Variants in ATAD2 observed in about 807,000 individuals in gnomAD.
ATAD2 encodes ATPase family AAA domain containing 2, also known as ATPase family AAA domain-containing protein 2.
In ATAD2, 62 loss-of-function variants were observed where a neutral mutation model predicts 168.9. The observed-to-expected ratio is 0.37, with a 90% CI of 0.30 to 0.45. The LOEUF is 0.45. Among genes scored for constraint, ATAD2 ranks in the 20% least tolerant of loss-of-function variants. The pLI is 1.00. For synonymous variants in ATAD2, 613 were observed against 571.6 expected, an observed-to-expected ratio of 1.07 and a Z score of -1.03; for missense variants, 1,419 against 1,667.8, an observed-to-expected ratio of 0.85 and a Z score of 2.60.
At chr8:123,327,152 C>T (rs912897031) in intron 25 of ATAD2, among the ~76,000 whole-genome samples, 1 of 152,082 alleles carries the variant, frequency 6.6e-6, no homozygotes, top group African/African-American at 2.4e-5. Flanking sequence ...CGTGATCCAC[C>T]CACAGCCTCC....
intron 24 of ATAD2, among the ~76,000 whole-genome samples, chr8:123,330,871 A>T (rs960691999): frequency 6.6e-6 from 1 of 152,256 alleles, no homozygotes; most frequent in African/African-American, 2.4e-5. Context: ...CAAAAAGTAC[A>T]AAGTTTTTGC....
intron 1 of ATAD2, among the ~76,000 whole-genome samples, chr8:123,395,941 G>C (rs1812804274): frequency 6.6e-6 from 1 of 152,158 alleles, no homozygotes; most frequent in Non-Finnish European, 1.5e-5. Context: ...GGCGGGCTTC[G>C]ATTTCCTCTT....
chr8:123,357,828 T>C, intron 11 of ATAD2, 92 bp from the exon 12 acceptor site: 3 of 1,265,034 alleles, frequency 2.4e-6, no homozygotes, highest in Non-Finnish European at 3.2e-6. Context: ...TTCATTTAAT[T>C]AGAAAATTAA....
rs1184047569 is a variant in ATAD2 at position 123,402,613 on chromosome 8, A to G, written c.-2281-1438T>C. Reference sequence around the variant, plus strand: ...ACCCTTGGGTCCTGCTCCTCAGGCCACTCCCCTGTCCCTGGCCCTGGGGAG... The same window carrying G: ...ACCCTTGGGTCCTGCTCCTCAGGCCGCTCCCCTGTCCCTGGCCCTGGGGAG... On this transcript the variant is annotated intron_variant, in intron 1 of 28. Coordinates refer to the ATAD2 transcript ENST00000521903. This position sits in a 1 kb window ranked among gnomAD's most constrained non-coding sequence, Gnocchi z 4.8. Among the ~76,000 whole-genome samples the G allele has an allele frequency of 6.6e-6, 1 of 151,256 alleles. No individual in the cohort carries two copies. The highest frequency in any genetic ancestry group is 1.5e-5 in the Non-Finnish European group (1 of 67,788).
At chr8:123,340,599 G>C (rs190419509) in intron 19 of ATAD2, among the ~76,000 whole-genome samples, 3 of 151,918 alleles carry the variant, frequency 2.0e-5, no homozygotes, top group African/African-American at 7.3e-5. Context: ...TACAAAATGC[G>C]GTATATACAT....
chr8:123,374,056 A>G (rs780925526), intron 2 of ATAD2, among the ~76,000 whole-genome samples: 26 of 152,166 alleles, frequency 1.7e-4, no homozygotes, highest in Non-Finnish European at 3.7e-4. Context: ...AAGACAGGTA[A>G]GAATTAAGAA....
At chr8:123,337,069 A>G (rs1827938275) in intron 21 of ATAD2, among the ~76,000 whole-genome samples, 1 of 151,318 alleles carries the variant, frequency 6.6e-6, no homozygotes, top group South Asian at 2.1e-4. Context: ...AAAAAAAAAA[A>G]AAAAAAGGGG....
Position 123,321,007 on chromosome 8 carries a change from C to A in ATAD2, c.*127G>T, listed in dbSNP as rs1378450416. ...CATAAATATCAGGAAAGTTTAAATACTTTTATTTTACTATTTTAATCTTTT... is the reference window on the plus strand; with the variant it reads ...CATAAATATCAGGAAAGTTTAAATAATTTTATTTTACTATTTTAATCTTTT... On this transcript the variant is annotated 3_prime_UTR_variant, in exon 28 of 28. Transcript: ENST00000287394. The A allele has an allele frequency of 8.6e-6, 7 of 815,606 alleles. No homozygotes were observed. Among genetic ancestry groups the A allele is most frequent in the African/African-American group, 1.8e-5 (1 of 56,060 alleles). The allele number at this position is 815,606 out of a possible 1,614,324, so 50.5% of individuals were successfully genotyped here. A position where few individuals can be genotyped will look rare whatever the true frequency, so the allele number is the denominator to read the frequency against.
At chr8:123,334,773 A>G (rs999889264) in intron 22 of ATAD2, among the ~76,000 whole-genome samples, 3 of 152,224 alleles carry the variant, frequency 2.0e-5, no homozygotes, top group Admixed American at 6.5e-5. Context: ...CACTGGGAAA[A>G]TCCTAAGCTC....
At position 123,333,454 on chromosome 8, in the gene ATAD2, C is replaced by T. The variant is rs78892031; in HGVS notation, c.3478+424G>A. On this transcript the variant is annotated intron_variant, in intron 24 of 27. Coordinates refer to ENST00000287394, the MANE Select transcript of ATAD2 (RefSeq NM_014109.4). ...AAAAGGGTAGTGAGGAATTACAGTG[C>T]TAAAATCTGGGAAAACAAGTGAATA... Among the ~76,000 whole-genome samples, 997 of 143,612 alleles carry T rather than the reference C, an allele frequency of 6.9e-3. 14 individuals carry two copies. Among genetic ancestry groups the T allele is most frequent in the African/African-American group, 0.024 (953 of 39,088 alleles). 94.2% of individuals were successfully genotyped at this position (143,612 alleles called of 152,430 possible). A position where few individuals can be genotyped will look rare whatever the true frequency, so the allele number is the denominator to read the frequency against.
intron 1 of ATAD2, among the ~76,000 whole-genome samples, chr8:123,391,659 G>T (rs568816711): frequency 1.7e-4 from 26 of 152,228 alleles, no homozygotes; most frequent in African/African-American, 2.4e-4. Flanking sequence ...TATAATCAGG[G>T]TGATCAGGGA....
chr8:123,373,059 AT>A (rs1410211815), intron 2 of ATAD2, among the ~76,000 whole-genome samples: 1 of 151,648 alleles, frequency 6.6e-6, no homozygotes, highest in South Asian at 2.1e-4. Context: ...CGCCCGGCTA[AT>A]TTTTTGGATT....
In ATAD2 at chr8:123,346,206, C is replaced by A. The variant is rs1828236978; in HGVS notation, c.2412G>T (p.Gly804=). The change falls in exon 18 of 28, where the codon GGG becomes GGT. Residue 804 remains glycine (G), a synonymous_variant. Transcript: ENST00000287394. Reference sequence around the variant, plus strand: ...CAGCTGGTGCCAAGTGAGAACCTTGCCCAAATCCTGGTTCTCCTACTATCA... The same window carrying A: ...CAGCTGGTGCCAAGTGAGAACCTTGACCAAATCCTGGTTCTCCTACTATCA... The part of the protein sequence containing the change: ...RILIVGEPGF[G]QGSHLAPAVI... 1 of 1,612,572 alleles carries A rather than the reference C, an allele frequency of 6.2e-7. No homozygotes were observed. Among genetic ancestry groups the A allele is most frequent in the Admixed American group, 1.7e-5 (1 of 59,756 alleles).
chr8:123,331,009 GCCC>G (rs1827760529), intron 24 of ATAD2, among the ~76,000 whole-genome samples: 1 of 152,060 alleles, frequency 6.6e-6, no homozygotes, highest in Non-Finnish European at 1.5e-5. Context: ...TGCAACCTCT[GCCC>G]CACTGGGTTC....
At chr8:123,398,882 A>G (rs75461903), upstream of ATAD2, among the ~76,000 whole-genome samples, 2,896 of 152,354 alleles carry the variant, frequency 0.019, 102 homozygotes, top group African/African-American at 0.066. Flanking sequence ...TTTAACCAAC[A>G]TAGGTGAAAA....
upstream of ATAD2, chr8:123,400,976 C>T (rs1812988374): frequency 6.9e-6 from 10 of 1,438,942 alleles, no homozygotes; most frequent in Admixed American, 3.4e-5. This position sits in a 1 kb window ranked among gnomAD's most constrained non-coding sequence, Gnocchi z 4.5. Context: ...CTGGAGGCCA[C>T]GATGCGGCAT....
chr8:123,401,376 C>T (rs1475920298), upstream of ATAD2: 64 of 1,408,082 alleles, frequency 4.5e-5, no homozygotes, highest in East Asian at 1.2e-3. Flanking sequence ...AGGCGGGTGT[C>T]GACGTCATAG....
At chr8:123,361,423 C>T in intron 9 of ATAD2, 116 bp downstream of exon 9, 2 of 691,176 alleles carry the variant, frequency 2.9e-6, no homozygotes, top group East Asian at 5.3e-5. Context: ...ATACATTAAC[C>T]TGTTGTGCAA....
intron 1 of ATAD2, among the ~76,000 whole-genome samples, chr8:123,382,348 A>G (rs2129864966): frequency 6.6e-6 from 1 of 152,372 alleles, no homozygotes. Flanking sequence ...CTTCAAAAAT[A>G]TTAAATGATG....
Sources: gnomAD v4.1 joint callset for allele counts (sites outside exome capture counted in the v4.1 genomes callset) on GRCh38, gnomAD v4.1.1 for gene constraint, Gnocchi (gnomAD v3.1) non-coding constraint, MANE v1.5 for transcripts, NCBI Gene and HGNC (gene_info 2026-07-23, HGNC 2026-07-21) for gene names.